PITPNA: variants seen among roughly 807,000 people sequenced by gnomAD.
The protein encoded by PITPNA is phosphatidylinositol transfer protein alpha.
PITPNA carries 13 observed loss-of-function variants against 50.3 expected under a neutral mutation model. The ratio of observed to expected loss-of-function variants is 0.26; its 90% CI spans 0.17 to 0.41. The LOEUF (loss-of-function observed/expected upper bound fraction) is 0.41, where lower values mean the gene tolerates loss of function less well. PITPNA is among the 10% of genes least tolerant of loss of function. The pLI, the probability that PITPNA is intolerant of heterozygous loss-of-function variation, is 1.00. For missense variants in PITPNA, 207 were observed against 333.4 expected (o/e 0.62, Z 2.95); for synonymous variants, 120 against 119.6 (o/e 1.00, Z -0.02).
At chr17:1,548,876 A>G (rs2075692669) in intron 3 of PITPNA, among the ~76,000 whole-genome samples, 1 of 152,146 alleles carries the variant, frequency 6.6e-6, no homozygotes, top group African/African-American at 2.4e-5. Flanking sequence ...TCCCAGGACA[A>G]AGTATTTTCT....
intron 10 of PITPNA, among the ~76,000 whole-genome samples, chr17:1,525,504 CTT>C (rs11329480): frequency 2.7e-3 from 278 of 101,698 alleles, no homozygotes; most frequent in African/African-American, 9.3e-3. Context: ...CACTGGGAAA[CTT>C]TTTTTTTTTT....
intron 3 of PITPNA, among the ~76,000 whole-genome samples, chr17:1,552,718 T>C (rs1057200100): frequency 2.6e-5 from 4 of 152,162 alleles, no homozygotes; most frequent in African/African-American, 9.7e-5. Context: ...CAACAACCTA[T>C]AGCACTTCTG....
At chr17:1,524,959 G>A (rs2075538760) in intron 10 of PITPNA, among the ~76,000 whole-genome samples, 3 of 152,138 alleles carry the variant, frequency 2.0e-5, no homozygotes, top group Admixed American at 6.5e-5. Flanking sequence ...CTGGAGACGC[G>A]GTTCCAAATG....
chr17:1,531,846 T>C (rs1673789702), intron 10 of PITPNA, among the ~76,000 whole-genome samples: 1 of 152,102 alleles, frequency 6.6e-6, no homozygotes, highest in African/African-American at 2.4e-5. Flanking sequence ...TATTTTTAGA[T>C]AGACAAAAAA....
chr17:1,526,255 A>G (rs923347287), intron 10 of PITPNA, among the ~76,000 whole-genome samples: 1 of 152,240 alleles, frequency 6.6e-6, no homozygotes, highest in African/African-American at 2.4e-5. Flanking sequence ...ATTGAAAGAC[A>G]TTCTACAAAA....
At position 1,536,585 on chromosome 17, in the gene PITPNA, T is replaced by G. The variant is rs533173111; in HGVS notation, c.457-1067A>C. 9.4e-4 allele frequency among the ~76,000 whole-genome samples: 141 copies of G among 150,010 alleles called. 1 individual carries two copies. In the East Asian group the frequency reaches 0.01, roughly 11 times the overall value. On this transcript the variant is annotated intron_variant, in intron 7 of 11. Coordinates refer to ENST00000313486, the MANE Select transcript of PITPNA (RefSeq NM_006224.4). ...ATTACAGGCGTGAGCCACCGCGCCC[T>G]GCCTTATTTTTTTATTTTATTTTTT...
chr17:1,559,207 C>T (rs184867038), intron 1 of PITPNA, among the ~76,000 whole-genome samples: 5 of 152,346 alleles, frequency 3.3e-5, no homozygotes, highest in Admixed American at 2.0e-4. Flanking sequence ...GCTGCTACCA[C>T]AAAGCCACCA....
intron 2 of PITPNA, among the ~76,000 whole-genome samples, chr17:1,557,905 G>A (rs1598414887): frequency 1.3e-5 from 2 of 152,232 alleles, no homozygotes; most frequent in South Asian, 2.1e-4. Context: ...AGTCACGGAC[G>A]TCCCAGAAAT....
intron 7 of PITPNA, among the ~76,000 whole-genome samples, chr17:1,537,852 G>A (rs1372109806): frequency 2.0e-5 from 3 of 152,098 alleles, no homozygotes; most frequent in Non-Finnish European, 4.4e-5. Flanking sequence ...CCAGGCTGGA[G>A]TGCGATGGTG....
At chr17:1,552,743 G>A (rs542360520) in intron 3 of PITPNA, among the ~76,000 whole-genome samples, 1 of 152,286 alleles carries the variant, frequency 6.6e-6, no homozygotes, top group South Asian at 2.1e-4. Flanking sequence ...CCATGATACT[G>A]TGAATCCTAC....
chr17:1,556,246 T>C (rs1349098445), intron 2 of PITPNA, among the ~76,000 whole-genome samples: 2 of 152,236 alleles, frequency 1.3e-5, no homozygotes, highest in South Asian at 4.1e-4. Flanking sequence ...TTCTTGTCAA[T>C]GGTTTCTTGC....
intron 3 of PITPNA, among the ~76,000 whole-genome samples, chr17:1,550,017 C>T (rs2075700100): frequency 1.3e-5 from 2 of 152,214 alleles, no homozygotes; most frequent in Non-Finnish European, 2.9e-5. Flanking sequence ...CTTTGGCAAG[C>T]TCTGGCAACC....
At chr17:1,523,881 ACCCCTGGACTTAAGTAGTCCT>A in intron 10 of PITPNA, among the ~76,000 whole-genome samples, 1 of 151,728 alleles carries the variant, frequency 6.6e-6, no homozygotes, top group Admixed American at 6.6e-5. Context: ...CTAGTCTCGA[ACCCCTGGACTTAAGTAGTCCT>A]CCCGCCATGG....
In PITPNA at chr17:1,518,182, C is replaced by G. The variant is rs535663401; in HGVS notation, c.*2379G>C. On this transcript the variant is annotated 3_prime_UTR_variant, in exon 12 of 12. Transcript: ENST00000313486. ...AGTCCCAGCAGGGACTGTAAAAGAA[C>G]TTGGGAAGCTATACACATGCCCACG... 5.2e-4 allele frequency: 80 copies of G among 152,532 alleles called. No homozygotes were observed. The highest frequency in any genetic ancestry group is 1.9e-3 in the African/African-American group (77 of 41,560). The allele number at this position is 152,532 out of a possible 1,614,324, so 9.4% of individuals were successfully genotyped here. A position where few individuals can be genotyped will look rare whatever the true frequency, so the allele number is the denominator to read the frequency against.
chr17:1,545,658 TTTTTC>T (rs1159867475), intron 4 of PITPNA, among the ~76,000 whole-genome samples: 2 of 152,196 alleles, frequency 1.3e-5, no homozygotes, highest in Admixed American at 6.5e-5. Context: ...AGAAATTATG[TTTTTC>T]TTTTCTTTTG....
At chr17:1,530,330 G>C (rs935425348) in intron 10 of PITPNA, among the ~76,000 whole-genome samples, 1 of 151,794 alleles carries the variant, frequency 6.6e-6, no homozygotes, top group Non-Finnish European at 1.5e-5. Flanking sequence ...TAAGAGCTTG[G>C]GAAAGGGAGA....
chr17:1,544,662 G>A (rs1454002695), intron 4 of PITPNA, among the ~76,000 whole-genome samples: 1 of 152,244 alleles, frequency 6.6e-6, no homozygotes, highest in African/African-American at 2.4e-5. Flanking sequence ...GCAGGGCCGG[G>A]CACGGTGGCT....
intron 6 of PITPNA, among the ~76,000 whole-genome samples, chr17:1,540,689 C>T (rs998510439): frequency 1.3e-5 from 2 of 151,628 alleles, no homozygotes; most frequent in African/African-American, 4.9e-5. Flanking sequence ...CCCGGGTTCA[C>T]GCCATTCTCC....
In PITPNA at chr17:1,553,031, T is replaced by C; in HGVS notation, c.170A>G (p.Tyr57Cys). 12 of 1,613,946 alleles carry C rather than the reference T, an allele frequency of 7.4e-6. No homozygotes were observed. The highest frequency in any genetic ancestry group is 1.0e-5 in the Non-Finnish European group (12 of 1,179,868). ...CTGCAGGTGGTAGATCTTGTGTGTG[T>C]ACTGGCCTTTCTCACCGTCCTTCTC... is the stretch of plus-strand genomic sequence containing the variant. ...PYEKDGEKGQ[Y>C]THKIYHLQSK... Residue 57 changes from tyrosine (Y) to cysteine (C), a missense_variant, in exon 3 of 12, where the codon TAC (tyrosine) becomes TGC (cysteine). By Grantham distance (194) the Tyr-to-Cys change is radical. Coordinates refer to ENST00000313486, the MANE Select transcript of PITPNA (RefSeq NM_006224.4).
Sources: allele counts gnomAD v4.1 joint callset (sites outside exome capture counted in the v4.1 genomes callset), GRCh38; gene constraint gnomAD v4.1.1; transcripts MANE v1.5; gene names NCBI Gene and HGNC (gene_info 2026-07-23, HGNC 2026-07-21).